The following WBP4 variants were observed in gnomAD, a reference collection of about 807,000 sequenced individuals.
WBP4 encodes the protein WW domain-binding protein 4.
In WBP4, 37 loss-of-function variants were observed where a neutral mutation model predicts 55.4. The observed-to-expected ratio is 0.67, with a 90% CI of 0.51 to 0.88. WBP4 has a LOEUF of 0.88. Among genes scored for constraint, WBP4 ranks in the 40% least tolerant of loss-of-function variants. The pLI, the probability that WBP4 is intolerant of heterozygous loss-of-function variation, is 0.00. For missense variants in WBP4, 398 were observed against 420.8 expected (o/e 0.95, Z 0.47); for synonymous variants, 142 against 140.2 (o/e 1.01, Z -0.09).
Position 41,061,680 on chromosome 13 carries a change from G to T in WBP4, c.2+5G>T. On this transcript the variant is annotated splice_donor_5th_base_variant and intron_variant, in intron 1 of 9. Coordinates refer to ENST00000379487, the MANE Select transcript of WBP4 (RefSeq NM_007187.5). ...CAGAGCGGCTGGCGCAGTCATGTGA[G>T]TTGGGTCTCAGGCCCTGAACAACGA... The T allele has an allele frequency of 6.2e-7, 1 of 1,614,118 alleles. No individual in the cohort carries two copies. Among genetic ancestry groups the T allele is most frequent in the East Asian group, 2.2e-5 (1 of 44,882 alleles).
At position 41,082,789 on chromosome 13, in the gene WBP4, G is replaced by A; in HGVS notation, c.1006G>A (p.Val336Ile). ...EADGGGEPKV[V>I]FKEKTVTSLG... Reference sequence around the variant, plus strand: ...TGATGGTGGCGGAGAACCCAAAGTGGTATTTAAAGAAAAAACAGTCACTTC... The same window carrying A: ...TGATGGTGGCGGAGAACCCAAAGTGATATTTAAAGAAAAAACAGTCACTTC... Residue 336 changes from valine (V) to isoleucine (I), a missense_variant, in exon 10 of 10, where the codon GTA (valine) becomes ATA (isoleucine). Transcript: ENST00000379487. 1 of 1,614,074 alleles carries A rather than the reference G, an allele frequency of 6.2e-7. No homozygotes were observed. Among genetic ancestry groups the A allele is most frequent in the Non-Finnish European group, 8.5e-7 (1 of 1,180,014 alleles).
chr13:41,065,667 A>G (rs1198437353), intron 4 of WBP4, among the ~76,000 whole-genome samples: 1 of 152,130 alleles, frequency 6.6e-6, no homozygotes, highest in Non-Finnish European at 1.5e-5. Context: ...CTGTGTCCAT[A>G]TGGTGAAAAT....
At chr13:41,065,412 T>G (rs1877930973) in intron 4 of WBP4, 125 bp downstream of exon 4, 3 of 1,310,094 alleles carry the variant, frequency 2.3e-6, no homozygotes, top group South Asian at 1.7e-5. Context: ...AGTGCTTTTA[T>G]TATGCATCAT....
intron 8 of WBP4, among the ~76,000 whole-genome samples, chr13:41,076,779 A>G (rs933453508): frequency 6.6e-6 from 1 of 152,186 alleles, no homozygotes; most frequent in East Asian, 1.9e-4. Flanking sequence ...GAGTTCCTAA[A>G]TACCTAGTTA....
chr13:41,074,282 A>G (rs576278870), intron 7 of WBP4, among the ~76,000 whole-genome samples: 1 of 152,286 alleles, frequency 6.6e-6, no homozygotes, highest in East Asian at 1.9e-4. Context: ...AAACAGTTGA[A>G]TTTATCAGAA....
Position 41,062,235 on chromosome 13 carries a change from AG to A in WBP4, c.3-408del. ...GAGGAACTACAGTTTTCCCCAGAGT[AG>A]TCTTGTACGTTGTTCTCTTGGTGGG... On this transcript the variant is annotated intron_variant, in intron 1 of 9. Transcript: ENST00000379487. The A allele has an allele frequency of 4.1e-6, 4 of 981,804 alleles. No homozygotes were observed. In the South Asian group the frequency reaches 1.9e-4, roughly 46 times the overall value. The allele number at this position is 981,804 out of a possible 1,614,324, so 60.8% of individuals were successfully genotyped here.
At chr13:41,077,147 G>A (rs1878532042) in intron 8 of WBP4, among the ~76,000 whole-genome samples, 1 of 152,070 alleles carries the variant, frequency 6.6e-6, no homozygotes, top group South Asian at 2.1e-4. Flanking sequence ...TTTATTCCAG[G>A]GATGAAAGGA....
intron 6 of WBP4, 129 bp downstream of exon 6, chr13:41,071,702 C>CT (rs1002914836): frequency 1.4e-4 from 113 of 786,632 alleles, no homozygotes; most frequent in African/African-American, 6.9e-4. Flanking sequence ...AAACTGTGTC[C>CT]TTTTTTTTCC....
At position 41,069,878 on chromosome 13, in the gene WBP4, C is replaced by CA. The variant is rs1178697602; in HGVS notation, c.439+1155dup. On this transcript the variant is annotated intron_variant, in intron 5 of 9. Transcript: ENST00000379487. ...GGGCAACAAGAGCGAAAGTCCATCT[C>CA]AAAAAAAAAAAAAAGAAAAAAAAAA... Among the ~76,000 whole-genome samples the CA allele has an allele frequency of 8.8e-3, 667 of 75,436 alleles. 5 individuals carry two copies. Among genetic ancestry groups the CA allele is most frequent in the East Asian group, 0.035 (97 of 2,760 alleles). The allele number at this position is 75,436 out of a possible 152,430, so 49.5% of individuals were successfully genotyped here. A position where few individuals can be genotyped will look rare whatever the true frequency, so the allele number is the denominator to read the frequency against.
chr13:41,062,215 A>G (rs1305688740), intron 1 of WBP4: 1 of 980,012 alleles, frequency 1.0e-6, no homozygotes, highest in Non-Finnish European at 1.2e-6. Flanking sequence ...TCTGGGAGGA[A>G]CTACAGTTTT....
chr13:41,061,519 A>G lies in WBP4; in HGVS notation c.-155A>G, dbSNP rs544545288. The G allele has an allele frequency of 1.3e-3, 1,586 of 1,193,310 alleles. 2 individuals are homozygous for G. The highest frequency in any genetic ancestry group is 1.7e-3 in the Non-Finnish European group (1,416 of 832,112). 73.9% of individuals were successfully genotyped at this position (1,193,310 alleles called of 1,614,324 possible). ...ATCGTCTGGGCACCCGTAGTTGGGA[A>G]CAGCGGAACGCTGGTCCCGGGGACT... On this transcript the variant is annotated 5_prime_UTR_variant, in exon 1 of 10. Transcript: ENST00000379487.
At chr13:41,070,581 A>C (rs553045115) in intron 5 of WBP4, among the ~76,000 whole-genome samples, 1 of 152,030 alleles carries the variant, frequency 6.6e-6, no homozygotes, top group South Asian at 2.1e-4. Context: ...GATACGTTGA[A>C]TATGAGGTAC....
chr13:41,062,515 G>T, intron 1 of WBP4, 129 bp from the exon 2 acceptor site: 4 of 814,712 alleles, frequency 4.9e-6, no homozygotes, highest in Non-Finnish European at 7.2e-6. Context: ...ATAATAAAAC[G>T]ACTATACATA....
rs963223909 is a variant in WBP4 at position 41,061,596 on chromosome 13, A to G, written c.-78A>G. ...GTTCGGGTGGGCATCGGGCGGCTGG[A>G]AGAGCTCGACTCGTCCCGCTGGGAA... is the stretch of plus-strand genomic sequence containing the variant. On this transcript the variant is annotated 5_prime_UTR_variant, in exon 1 of 10. Transcript: ENST00000379487. 70 of 1,612,214 alleles carry G rather than the reference A, an allele frequency of 4.3e-5. No homozygotes were observed. Among genetic ancestry groups the G allele is most frequent in the Non-Finnish European group, 5.8e-5 (68 of 1,179,184 alleles).
chr13:41,078,201 A>G (rs1163853138), intron 8 of WBP4, among the ~76,000 whole-genome samples: 1 of 152,228 alleles, frequency 6.6e-6, no homozygotes, highest in Non-Finnish European at 1.5e-5. Context: ...CTAAGCAAAA[A>G]GAACAAAGGT....
At position 41,061,565 on chromosome 13, in the gene WBP4, A is replaced by AG. The variant is rs955388131; in HGVS notation, c.-106dup. 1.3e-6 allele frequency: 2 copies of AG among 1,547,936 alleles called. No individual in the cohort carries two copies. The highest frequency in any genetic ancestry group is 1.7e-5 in the Admixed American group (1 of 58,452). ...GGACTGAGTAAGGTGTCTGGATCGG[A>AG]GGGAGGTTCGGGTGGGCATCGGGCG... On this transcript the variant is annotated 5_prime_UTR_variant, in exon 1 of 10. Coordinates refer to ENST00000379487, the MANE Select transcript of WBP4 (RefSeq NM_007187.5).
chr13:41,069,064 C>G (rs1878114764), intron 5 of WBP4, among the ~76,000 whole-genome samples: 1 of 152,098 alleles, frequency 6.6e-6, no homozygotes. Context: ...ATTTCAAATC[C>G]ACTTCACAAA....
intron 7 of WBP4, among the ~76,000 whole-genome samples, chr13:41,075,336 C>G (rs1393446427): frequency 6.6e-6 from 1 of 152,110 alleles, no homozygotes; most frequent in East Asian, 1.9e-4. Context: ...TTAATATTCA[C>G]TTAGTGCTTC....
At position 41,080,949 on chromosome 13, in the gene WBP4, C is replaced by T. The variant is rs2138485669; in HGVS notation, c.920+140C>T. 3 of 928,670 alleles carry T rather than the reference C, an allele frequency of 3.2e-6. No homozygotes were observed. The East Asian group carries it at 8.0e-5, about 25-fold the overall frequency. The allele number at this position is 928,670 out of a possible 1,614,324, so 57.5% of individuals were successfully genotyped here. A position where few individuals can be genotyped will look rare whatever the true frequency, so the allele number is the denominator to read the frequency against. On this transcript the variant is annotated intron_variant, in intron 9 of 9. Coordinates refer to ENST00000379487, the MANE Select transcript of WBP4 (RefSeq NM_007187.5). ...GAGGCCAGATGCACCCCTGTAATCC[C>T]AGCACTTTGGGAGGCTGAGGTGGGC... is the stretch of plus-strand genomic sequence containing the variant.
Sources: gnomAD v4.1 joint callset for allele counts (sites outside exome capture counted in the v4.1 genomes callset) on GRCh38, gnomAD v4.1.1 for gene constraint, MANE v1.5 for transcripts, NCBI Gene and HGNC (gene_info 2026-07-23, HGNC 2026-07-21) for gene names.